Variants in IL12RB1 observed in about 807,000 individuals in gnomAD.
IL12RB1 encodes the protein interleukin 12 receptor subunit beta 1.
IL12RB1 carries 64 observed loss-of-function variants against 94.4 expected under a neutral mutation model. The ratio of observed to expected loss-of-function variants is 0.68; its 90% CI spans 0.55 to 0.83. The LOEUF is 0.83. Ranked by LOEUF, IL12RB1 falls within the 40% of genes least tolerant of loss-of-function variation. The pLI, the probability that IL12RB1 is intolerant of heterozygous loss-of-function variation, is 0.00. For missense variants in IL12RB1, 814 were observed against 855.6 expected, an observed-to-expected ratio of 0.95 and a Z score of 0.61; for synonymous variants, 362 against 355.5, an observed-to-expected ratio of 1.02 and a Z score of -0.21.
chr19:18,095,675 G>C (rs2036855250), intron 1 of IL12RB1, among the ~76,000 whole-genome samples: 1 of 152,130 alleles, frequency 6.6e-6, no homozygotes, highest in Non-Finnish European at 1.5e-5. Flanking sequence ...GAATTTTATG[G>C]TATGTGAATT....
At chr19:18,079,081 G>A (rs758222451) in intron 4 of IL12RB1, among the ~76,000 whole-genome samples, 1 of 150,912 alleles carries the variant, frequency 6.6e-6, no homozygotes, top group South Asian at 2.1e-4. Flanking sequence ...TTACTTTTTT[G>A]GTGTGTGGTG....
At position 18,075,692 on chromosome 19, in the gene IL12RB1, C is replaced by T. The variant is rs564114852; in HGVS notation, c.700+57G>A. On this transcript the variant is annotated intron_variant, in intron 7 of 16. Coordinates refer to ENST00000593993, the MANE Select transcript of IL12RB1 (RefSeq NM_005535.3). ...AACTACAGGTGTGCACCACCACCTC[C>T]GGCTGTTGCCTTATTTCTAATGCTT... is the stretch of plus-strand genomic sequence containing the variant. 388 of 1,520,446 alleles carry T rather than the reference C, an allele frequency of 2.6e-4. 1 individual carries two copies. In the African/African-American group the frequency reaches 4.5e-3, roughly 18 times the overall value. 94.2% of individuals were successfully genotyped at this position (1,520,446 alleles called of 1,614,324 possible).
chr19:18,089,656 C>T (rs551227975), upstream of IL12RB1, among the ~76,000 whole-genome samples: 13 of 151,266 alleles, frequency 8.6e-5, no homozygotes, highest in Admixed American at 3.3e-4. Flanking sequence ...TTTTAGGTTA[C>T]GTGAGATGCA....
intron 13 of IL12RB1, among the ~76,000 whole-genome samples, chr19:18,063,376 G>C (rs985728303): frequency 1.3e-5 from 2 of 151,994 alleles, no homozygotes; most frequent in Non-Finnish European, 1.5e-5. Flanking sequence ...GGGATTACAG[G>C]TGTGAGCCAC....
In IL12RB1 at chr19:18,075,862, C is replaced by A; in HGVS notation, c.587G>T (p.Cys196Phe). The stretch of plus-strand genomic sequence containing the variant: ...CACATTCATCTCCAGGGGGCAGAGG[C>A]AGGACTCTGGGGAGAGGCAGGTCGA... ...CGPQDDDTES[C>F]LCPLEMNVAQ... is the part of the protein sequence containing the mutation. The change falls in exon 7 of 17, where the codon TGC becomes TTC. Residue 196 changes from cysteine (C) to phenylalanine (F), a missense_variant. Coordinates refer to ENST00000593993, the MANE Select transcript of IL12RB1 (RefSeq NM_005535.3). 1 of 1,613,516 alleles carries A rather than the reference C, an allele frequency of 6.2e-7. No homozygotes were observed. Among genetic ancestry groups the A allele is most frequent in the South Asian group, 1.1e-5 (1 of 91,068 alleles).
At chr19:18,080,695 C>G (rs927095600) in intron 4 of IL12RB1, 137 bp downstream of exon 4, 30 of 742,578 alleles carry the variant, frequency 4.0e-5, no homozygotes, top group African/African-American at 3.1e-4. Context: ...ATAGTGTTTG[C>G]GTGACACTAC....
intron 11 of IL12RB1, among the ~76,000 whole-genome samples, chr19:18,067,297 C>T (rs946638661): frequency 2.2e-5 from 3 of 137,474 alleles, no homozygotes; most frequent in Non-Finnish European, 4.7e-5. Flanking sequence ...GCACTCCAGC[C>T]TGGGCCACAG....
At chr19:18,087,864 G>A (rs1296620965), upstream of IL12RB1, among the ~76,000 whole-genome samples, 1 of 152,086 alleles carries the variant, frequency 6.6e-6, no homozygotes, top group Non-Finnish European at 1.5e-5. Context: ...GCTGAAGGAG[G>A]GCAGTGTTCT....
intron 1 of IL12RB1, chr19:18,097,805 A>C: frequency 8.2e-7 from 1 of 1,223,236 alleles, no homozygotes; most frequent in Non-Finnish European, 1.0e-6. Flanking sequence ...GGACGAGTCG[A>C]GCCTCCTGCG....
chr19:18,093,704 T>C (rs1760977827), intron 1 of IL12RB1, among the ~76,000 whole-genome samples: 1 of 152,174 alleles, frequency 6.6e-6, no homozygotes, highest in African/African-American at 2.4e-5. Flanking sequence ...CTGAGTCACA[T>C]GTCCACCCCA....
At chr19:18,084,207 A>C (rs552144938) in intron 1 of IL12RB1, among the ~76,000 whole-genome samples, 6 of 128,446 alleles carry the variant, frequency 4.7e-5, no homozygotes, top group South Asian at 2.6e-4. Flanking sequence ...ACGTATTCAT[A>C]CATCCATCCA....
intron 4 of IL12RB1, among the ~76,000 whole-genome samples, chr19:18,078,838 T>C (rs1310034790): frequency 2.0e-5 from 3 of 152,110 alleles, no homozygotes; most frequent in East Asian, 1.9e-4. Flanking sequence ...TATATCATTG[T>C]ATAAATTTAA....
Position 18,075,550 on chromosome 19 carries a change from C to T in IL12RB1, c.700+199G>A, listed in dbSNP as rs186922513. Among the ~76,000 whole-genome samples the T allele has an allele frequency of 7.7e-4, 117 of 152,258 alleles. 1 individual carries two copies. Among genetic ancestry groups the T allele is most frequent in the Non-Finnish European group, 1.1e-3 (73 of 68,024 alleles). On this transcript the variant is annotated intron_variant, in intron 7 of 16. Transcript: ENST00000593993. ...TGCTGGGATTACAGGCATCAGCCAC[C>T]ACGCCCAGCCCCATTTTATTTTATT...
chr19:18,081,190 G>A lies in IL12RB1; in HGVS notation c.240-189C>T, dbSNP rs372907942. On this transcript the variant is annotated intron_variant, in intron 3 of 16. Transcript: ENST00000593993. Reference sequence around the variant, plus strand: ...GGCTCACTGCAACCTCCACCTCCCTGGTTCAAGCAATTCTCCCACCTCAGC... The same window carrying A: ...GGCTCACTGCAACCTCCACCTCCCTAGTTCAAGCAATTCTCCCACCTCAGC... Among the ~76,000 whole-genome samples the A allele has an allele frequency of 1.7e-3, 262 of 152,046 alleles. 2 individuals carry two copies. Among genetic ancestry groups the A allele is most frequent in the South Asian group, 9.4e-3 (45 of 4,812 alleles).
At chr19:18,094,684 C>T (rs970107824) in intron 1 of IL12RB1, among the ~76,000 whole-genome samples, 3 of 152,030 alleles carry the variant, frequency 2.0e-5, no homozygotes, top group Non-Finnish European at 2.9e-5. Flanking sequence ...GGTAACATGG[C>T]GAAACCTTGT....
chr19:18,083,662 T>C (rs2036074657), intron 1 of IL12RB1, among the ~76,000 whole-genome samples, 171 bp from the exon 2 acceptor site: 1 of 149,056 alleles, frequency 6.7e-6, no homozygotes, highest in Non-Finnish European at 1.5e-5. Context: ...TGTATTTATC[T>C]GCCCATCTAC....
chr19:18,077,112 CA>C lies in IL12RB1; in HGVS notation c.549+403del, dbSNP rs545831555. Among the ~76,000 whole-genome samples, 14 of 152,212 alleles carry C rather than the reference CA, an allele frequency of 9.2e-5. No individual in the cohort carries two copies. The East Asian group carries it at 2.5e-3, about 27-fold the overall frequency. On this transcript the variant is annotated intron_variant, in intron 5 of 16. Transcript: ENST00000593993. ...GCGTGGTGGTTCATGCCTGTATTCC[CA>C]GCACTTTGGAAGGCCAAGGTGGGCG...
chr19:18,062,285 G>A lies in IL12RB1; in HGVS notation c.1619-8C>T. On this transcript the variant is annotated splice_polypyrimidine_tract_variant and splice_region_variant and intron_variant, in intron 13 of 16. Coordinates refer to ENST00000593993, the MANE Select transcript of IL12RB1 (RefSeq NM_005535.3). ...AATCAGAAACCTGCACTTCTGAGGT[G>A]GGAGAGCGTGGGTTGGCAGAGGGCT... The A allele has an allele frequency of 6.3e-7, 1 of 1,585,354 alleles. No individual in the cohort carries two copies. The highest frequency in any genetic ancestry group is 8.6e-7 in the Non-Finnish European group (1 of 1,156,078).
chr19:18,093,084 C>G (rs991533496), intron 1 of IL12RB1, among the ~76,000 whole-genome samples: 1 of 151,688 alleles, frequency 6.6e-6, no homozygotes, highest in Non-Finnish European at 1.5e-5. Context: ...GTGGGTGGAT[C>G]GCCTGAGGTC....
Sources: allele counts gnomAD v4.1 joint callset (sites outside exome capture counted in the v4.1 genomes callset), GRCh38; gene constraint gnomAD v4.1.1; transcripts MANE v1.5; gene names NCBI Gene and HGNC (gene_info 2026-07-23, HGNC 2026-07-21).